The following PTPRM variants were observed in gnomAD, a reference collection of about 807,000 sequenced individuals.
PTPRM encodes receptor-type tyrosine-protein phosphatase mu.
In PTPRM, 47 loss-of-function variants were observed where a neutral mutation model predicts 186.7. The observed-to-expected ratio is 0.25, with a 90% CI of 0.20 to 0.32. The LOEUF (loss-of-function observed/expected upper bound fraction) is 0.32, where lower values mean the gene tolerates loss of function less well. Ranked by LOEUF, PTPRM falls within the 10% of genes least tolerant of loss-of-function variation. The pLI, the probability that PTPRM is intolerant of heterozygous loss-of-function variation, is 1.00. For synonymous variants in PTPRM, 668 were observed against 674.9 expected, an observed-to-expected ratio of 0.99 and a Z score of 0.16; for missense variants, 1,494 against 1,865.0, an observed-to-expected ratio of 0.80 and a Z score of 3.66.
At chr18:8,094,955 A>AT (rs1338887590) in intron 11 of PTPRM, among the ~76,000 whole-genome samples, 1 of 152,182 alleles carries the variant, frequency 6.6e-6, no homozygotes, top group Non-Finnish European at 1.5e-5. Flanking sequence ...TAAAAATTCC[A>AT]TCTTAAGGTC....
At chr18:7,578,841 G>C (rs1308484430) in intron 1 of PTPRM, among the ~76,000 whole-genome samples, 1 of 152,080 alleles carries the variant, frequency 6.6e-6, no homozygotes, top group Non-Finnish European at 1.5e-5. Flanking sequence ...CCCCTGGGGT[G>C]ATAGGGCTTC....
intron 9 of PTPRM, among the ~76,000 whole-genome samples, chr18:8,085,185 G>A (rs984836083): frequency 2.6e-5 from 4 of 151,864 alleles, no homozygotes; most frequent in African/African-American, 4.8e-5. Flanking sequence ...AATCTGTCTA[G>A]GATTCCAGTC....
In PTPRM at chr18:8,065,422, A is replaced by G. The variant is rs184237007; in HGVS notation, c.1133-4264A>G. 3.3e-5 allele frequency among the ~76,000 whole-genome samples: 5 copies of G among 152,286 alleles called. No individual in the cohort carries two copies. In the East Asian group the frequency reaches 9.7e-4, roughly 29 times the overall value. Reference sequence around the variant, plus strand: ...AAAAGAACAGAATGAAAAATGCTGCAGGCATCAGTGGGAGAGTCGGTAAGA... The same window carrying G: ...AAAAGAACAGAATGAAAAATGCTGCGGGCATCAGTGGGAGAGTCGGTAAGA... On this transcript the variant is annotated intron_variant, in intron 7 of 32. Transcript: ENST00000580170.
At position 7,926,651 on chromosome 18, in the gene PTPRM, A is replaced by C; in HGVS notation, c.631A>C (p.Arg211=). ...TACCTTCCAGTGCAGTGCCATCGGC[A>C]GGACCGTGGCAGGAGACAGGCTCTG... ...FATFQCSAIG[R]TVAGDRLWLQ... The change falls in exon 5 of 33, where the codon AGG becomes CGG. Residue 211 remains arginine (R), a synonymous_variant. Transcript: ENST00000580170. 4.3e-6 allele frequency: 7 copies of C among 1,613,350 alleles called. No individual in the cohort carries two copies. The highest frequency in any genetic ancestry group is 4.0e-5 in the African/African-American group (3 of 75,020).
At chr18:8,378,173 A>G in intron 26 of PTPRM, 92 bp from the exon 27 acceptor site, 2 of 1,317,564 alleles carry the variant, frequency 1.5e-6, no homozygotes, top group Non-Finnish European at 2.1e-6. Context: ...AACTGTCTCC[A>G]CTCTCTTGAT....
chr18:7,781,834 A>AAGAAAT (rs2042870110), intron 2 of PTPRM, among the ~76,000 whole-genome samples: 3 of 152,294 alleles, frequency 2.0e-5, no homozygotes, highest in East Asian at 3.9e-4. Flanking sequence ...GAATAATTCC[A>AAGAAAT]GTCACTGAAC....
rs2036470079 is a variant in PTPRM, at chr18:7,568,010, C to A, written c.73+119C>A. On this transcript the variant is annotated intron_variant, in intron 1 of 32. Transcript: ENST00000580170. The surrounding 1 kb of genome is among the most constrained non-coding windows in gnomAD (Gnocchi z 5.1). ...TGGCGTCGGGGCCGGGCGGGGGGCGCGGCGGGCCGGACACCGCTTCTGCCT... is the reference window on the plus strand; with the variant it reads ...TGGCGTCGGGGCCGGGCGGGGGGCGAGGCGGGCCGGACACCGCTTCTGCCT... The A allele has an allele frequency of 2.1e-6, 2 of 965,590 alleles. No individual in the cohort carries two copies. The highest frequency in any genetic ancestry group is 1.8e-5 in the African/African-American group (1 of 56,680). The allele number at this position is 965,590 out of a possible 1,614,324, so 59.8% of individuals were successfully genotyped here.
chr18:8,346,287 T>C (rs2095504588), intron 23 of PTPRM, among the ~76,000 whole-genome samples: 2 of 152,210 alleles, frequency 1.3e-5, no homozygotes, highest in African/African-American at 2.4e-5. Context: ...ACAACAGACA[T>C]GTACTATCTT....
At chr18:8,160,152 G>T (rs978374966) in intron 14 of PTPRM, among the ~76,000 whole-genome samples, 1 of 151,892 alleles carries the variant, frequency 6.6e-6, no homozygotes, top group Admixed American at 6.6e-5. Context: ...TTTATAAATC[G>T]TGTATTCCAT....
intron 6 of PTPRM, among the ~76,000 whole-genome samples, chr18:7,954,097 G>C (rs1568069250): frequency 6.6e-6 from 1 of 152,222 alleles, no homozygotes; most frequent in South Asian, 2.1e-4. Context: ...CAGTGGCATC[G>C]GCATGTGGAA....
chr18:8,398,579 A>T (rs1371475394), intron 32 of PTPRM, among the ~76,000 whole-genome samples: 1 of 152,008 alleles, frequency 6.6e-6, no homozygotes, highest in East Asian at 1.9e-4. Context: ...CAGCCTGGCC[A>T]ACCAACATGG....
At chr18:8,295,543 C>CT (rs1359077237) in intron 19 of PTPRM, among the ~76,000 whole-genome samples, 1 of 152,172 alleles carries the variant, frequency 6.6e-6, no homozygotes, top group Non-Finnish European at 1.5e-5. Flanking sequence ...CTCTTTCCCT[C>CT]TCTCTTCCTT....
intron 7 of PTPRM, among the ~76,000 whole-genome samples, chr18:8,016,760 A>G (rs2084894439): frequency 6.6e-6 from 1 of 152,138 alleles, no homozygotes; most frequent in South Asian, 2.1e-4. Context: ...TGTTGATTTA[A>G]TTTGGTCACT....
At chr18:8,000,372 A>G (rs769218894) in intron 7 of PTPRM, among the ~76,000 whole-genome samples, 3 of 152,224 alleles carry the variant, frequency 2.0e-5, no homozygotes, top group African/African-American at 7.2e-5. Flanking sequence ...TGTGTCTGTT[A>G]TTAATCATAT....
At chr18:8,245,649 C>T (rs763871172) in intron 15 of PTPRM, among the ~76,000 whole-genome samples, 23 of 152,186 alleles carry the variant, frequency 1.5e-4, no homozygotes, top group Non-Finnish European at 2.6e-4. Flanking sequence ...TTTGGCCACA[C>T]ACAGGATTAG....
At chr18:8,205,516 G>T (rs1003911481) in intron 14 of PTPRM, among the ~76,000 whole-genome samples, 10 of 151,936 alleles carry the variant, frequency 6.6e-5, no homozygotes, top group Non-Finnish European at 4.4e-5. Flanking sequence ...ATAACTTTCA[G>T]TATTTTGACA....
chr18:8,164,389 T>C (rs943992750), intron 14 of PTPRM, among the ~76,000 whole-genome samples: 1 of 152,220 alleles, frequency 6.6e-6, no homozygotes, highest in Non-Finnish European at 1.5e-5. Context: ...CAAACAAATA[T>C]TTGTATACCT....
intron 1 of PTPRM, among the ~76,000 whole-genome samples, chr18:7,569,496 T>G (rs2036519444): frequency 6.6e-6 from 1 of 152,220 alleles, no homozygotes; most frequent in Admixed American, 6.5e-5. Context: ...AGAGTAGAAT[T>G]TGAGAGCCTT....
In PTPRM at chr18:8,379,046, G is replaced by T. The variant is rs536842408; in HGVS notation, c.3613-121G>T. 18 of 734,344 alleles carry T rather than the reference G, an allele frequency of 2.5e-5. No individual in the cohort carries two copies. In the East Asian group the frequency reaches 2.8e-4, roughly 11 times the overall value. The allele number at this position is 734,344 out of a possible 1,614,324, so 45.5% of individuals were successfully genotyped here. On this transcript the variant is annotated intron_variant, in intron 27 of 32. Transcript: ENST00000580170. The stretch of plus-strand genomic sequence containing the variant: ...ACTCGAACTATGGTGGGTTGGGGAG[G>T]GAGGGGGAAGGGACCGTCTTGCAGT...
Sources: allele counts gnomAD v4.1 joint callset (sites outside exome capture counted in the v4.1 genomes callset), GRCh38; gene constraint gnomAD v4.1.1; non-coding constraint Gnocchi (gnomAD v3.1); transcripts MANE v1.5; gene names NCBI Gene and HGNC (gene_info 2026-07-23, HGNC 2026-07-21).